The following SULF2 variants were observed in gnomAD, a reference collection of about 807,000 sequenced individuals.
SULF2 encodes sulfatase 2, also known as extracellular sulfatase Sulf-2.
A neutral mutation model predicts 107.7 loss-of-function variants in SULF2; 52 were observed. The observed-to-expected ratio is 0.48, with a 90% CI of 0.39 to 0.61. The LOEUF (loss-of-function observed/expected upper bound fraction) is 0.61. Ranked by LOEUF, SULF2 falls within the 20% of genes least tolerant of loss-of-function variation. The probability of loss-of-function intolerance (pLI) is 0.00; values close to 1 mark genes in which losing one functional copy is unlikely to be tolerated. For synonymous variants in SULF2, 460 were observed against 464.3 expected (o/e 0.99, Z 0.12); for missense variants, 993 against 1,177.3 (o/e 0.84, Z 2.29).
chr20:47,729,873 A>T lies in SULF2; in HGVS notation c.415+6830T>A, dbSNP rs561890377. Among the ~76,000 whole-genome samples the T allele has an allele frequency of 2.9e-3, 444 of 152,362 alleles. 2 individuals carry two copies. Among genetic ancestry groups the T allele is most frequent in the African/African-American group, 9.9e-3 (411 of 41,580 alleles). On this transcript the variant is annotated intron_variant, in intron 3 of 20. Transcript: ENST00000688720. ...CATTGCAGAGGAGGACGGCCCACGC[A>T]GCAGCCCTCCTGCCCCTGCGGTCCT... is the stretch of plus-strand genomic sequence containing the variant.
intron 1 of SULF2, among the ~76,000 whole-genome samples, chr20:47,778,138 C>T (rs2090757674): frequency 6.6e-6 from 1 of 152,190 alleles, no homozygotes; most frequent in Admixed American, 6.5e-5. Flanking sequence ...AAGACCCTGT[C>T]TCAAAAACAA....
chr20:47,681,548 C>T (rs563503699), intron 7 of SULF2, among the ~76,000 whole-genome samples: 1 of 152,302 alleles, frequency 6.6e-6, no homozygotes, highest in Admixed American at 6.5e-5. Context: ...GGAATAGAGA[C>T]TGCCTGGTTT....
chr20:47,689,280 G>A (rs565813682), intron 5 of SULF2, among the ~76,000 whole-genome samples: 19 of 152,334 alleles, frequency 1.2e-4, no homozygotes, highest in African/African-American at 3.1e-4. Context: ...TAGAAGGACC[G>A]GTCTGTGTGA....
intron 2 of SULF2, among the ~76,000 whole-genome samples, chr20:47,745,839 C>T (rs1025131450): frequency 2.0e-5 from 3 of 152,128 alleles, no homozygotes; most frequent in African/African-American, 7.2e-5. Flanking sequence ...CACATGTCAG[C>T]TTTTCAACAA....
At chr20:47,750,387 T>A (rs2090134930) in intron 2 of SULF2, among the ~76,000 whole-genome samples, 1 of 152,210 alleles carries the variant, frequency 6.6e-6, no homozygotes, top group Admixed American at 6.5e-5. Context: ...TTACCATCCC[T>A]CATCAGTTCC....
intron 3 of SULF2, among the ~76,000 whole-genome samples, chr20:47,703,686 T>C (rs1358433518): frequency 1.3e-5 from 2 of 152,192 alleles, no homozygotes; most frequent in Non-Finnish European, 2.9e-5. Context: ...AAAGTATTCA[T>C]ACACTCACCT....
rs572624733 is a variant in SULF2 at position 47,759,584 on chromosome 20, C to T, written c.-100-2121G>A. ...GCACATGCCTGTAATCCCAGCTACTCGGGAGGCTGAGGCAGGAGAATCGCT... is the reference window on the plus strand; with the variant it reads ...GCACATGCCTGTAATCCCAGCTACTTGGGAGGCTGAGGCAGGAGAATCGCT... On this transcript the variant is annotated intron_variant, in intron 1 of 20. Transcript: ENST00000688720. 1.8e-3 allele frequency among the ~76,000 whole-genome samples: 275 copies of T among 152,238 alleles called. 1 individual carries two copies. The highest frequency in any genetic ancestry group is 0.016 in the South Asian group (79 of 4,824).
At chr20:47,773,762 G>C (rs188234764) in intron 1 of SULF2, among the ~76,000 whole-genome samples, 28 of 152,344 alleles carry the variant, frequency 1.8e-4, no homozygotes, top group South Asian at 6.2e-4. Context: ...CTGTGGGCTG[G>C]TTCTCAGTGT....
chr20:47,721,902 T>C (rs976088112), intron 3 of SULF2, among the ~76,000 whole-genome samples: 1 of 151,998 alleles, frequency 6.6e-6, no homozygotes, highest in Non-Finnish European at 1.5e-5. Flanking sequence ...TGTGATTGGG[T>C]GAAAGAGACA....
In SULF2 at chr20:47,756,089, C is replaced by T. The variant is rs143014439; in HGVS notation, c.175+1100G>A. On this transcript the variant is annotated intron_variant, in intron 2 of 20. Coordinates refer to ENST00000688720, the MANE Select transcript of SULF2 (RefSeq NM_001387048.1). ...ATGAATGAACAAACGTGCAGGGCAT[C>T]GGAAATTCTAAGCATGACTATAGCC... Among the ~76,000 whole-genome samples the T allele has an allele frequency of 7.5e-3, 1,149 of 152,272 alleles. 14 individuals carry two copies. The highest frequency in any genetic ancestry group is 0.026 in the African/African-American group (1,087 of 41,544).
rs114533959 is a variant in SULF2 at position 47,690,246 on chromosome 20, G to A, written c.617C>T (p.Thr206Met). ...CCTGTGCGGGTACATCTTCTTGGAC[G>A]TGCGGAAGAAGCTCACGCTGTCATT... The part of the protein sequence containing the change: ...ITNDSVSFFR[T>M]SKKMYPHRPV... Residue 206 changes from threonine (T) to methionine (M), a missense_variant, in exon 5 of 21, where the codon ACG becomes ATG. Physicochemically the swap from Thr to Met is moderately conservative, Grantham distance 81 (BLOSUM62 -1). Around this residue, in one of 3 missense-constraint regions of SULF2, gnomAD observed 388 missense variants for 449.2 expected, o/e 0.86. Transcript: ENST00000688720. The A allele has an allele frequency of 3.0e-5, 47 of 1,568,416 alleles. No individual in the cohort carries two copies. The highest frequency in any genetic ancestry group is 1.2e-4 in the African/African-American group (9 of 73,402).
At chr20:47,722,972 C>T (rs904506983) in intron 3 of SULF2, among the ~76,000 whole-genome samples, 2 of 152,134 alleles carry the variant, frequency 1.3e-5, no homozygotes, top group Non-Finnish European at 2.9e-5. Context: ...GAGGCTGAGG[C>T]AGGAGAATCG....
At chr20:47,760,847 C>T (rs549417191) in intron 1 of SULF2, among the ~76,000 whole-genome samples, 2 of 152,198 alleles carry the variant, frequency 1.3e-5, no homozygotes, top group East Asian at 1.9e-4. Flanking sequence ...CTCAATCTCT[C>T]GTCTGCAGAA....
At chr20:47,712,387 A>G (rs770832841) in intron 3 of SULF2, among the ~76,000 whole-genome samples, 10 of 152,254 alleles carry the variant, frequency 6.6e-5, no homozygotes, top group African/African-American at 1.2e-4. Context: ...ACCTCAGGTC[A>G]GATGAGAAGT....
chr20:47,683,600 CAGA>C (rs2087901693), intron 6 of SULF2, among the ~76,000 whole-genome samples: 1 of 152,220 alleles, frequency 6.6e-6, no homozygotes, highest in African/African-American at 2.4e-5. Flanking sequence ...CGCCGTGTGG[CAGA>C]ACTTTCTGCA....
chr20:47,698,260 T>G (rs2088449653), intron 4 of SULF2, among the ~76,000 whole-genome samples: 1 of 152,192 alleles, frequency 6.6e-6, no homozygotes, highest in African/African-American at 2.4e-5. Flanking sequence ...TGGGGCTCTA[T>G]TCCCAGCCAA....
chr20:47,741,981 G>A (rs1259207890), intron 2 of SULF2, among the ~76,000 whole-genome samples: 3 of 152,162 alleles, frequency 2.0e-5, no homozygotes, highest in African/African-American at 2.4e-5. Context: ...CAGAGGAAGC[G>A]AGCTGTGAGG....
chr20:47,699,914 T>C (rs2088506615), intron 4 of SULF2, among the ~76,000 whole-genome samples: 1 of 152,188 alleles, frequency 6.6e-6, no homozygotes, highest in Non-Finnish European at 1.5e-5. Flanking sequence ...CACACACTCC[T>C]GGCTTGCTAC....
intron 5 of SULF2, among the ~76,000 whole-genome samples, chr20:47,688,262 A>G (rs1602648953): frequency 6.6e-6 from 1 of 152,272 alleles, no homozygotes; most frequent in East Asian, 1.9e-4. Context: ...TCCTAGCTGC[A>G]GGACTTTCTC....
Sources: gnomAD v4.1 joint callset for allele counts (sites outside exome capture counted in the v4.1 genomes callset) on GRCh38, gnomAD v4.1.1 for gene constraint, gnomAD v4.1.1 regional missense constraint, MANE v1.5 for transcripts, NCBI Gene and HGNC (gene_info 2026-07-23, HGNC 2026-07-21) for gene names.